Variants in NCAPG2 observed in about 807,000 individuals in gnomAD.
NCAPG2 encodes non-SMC condensin II complex subunit G2.
A neutral mutation model predicts 141.1 loss-of-function variants in NCAPG2; 53 were observed. That is an observed-to-expected ratio of 0.38 (90% CI 0.30 to 0.47). NCAPG2 has a LOEUF of 0.47. Among genes scored for constraint, NCAPG2 ranks in the 20% least tolerant of loss-of-function variants. NCAPG2 has a pLI of 0.99. For missense variants in NCAPG2, 1,087 were observed against 1,389.0 expected (o/e 0.78, Z 3.46); for synonymous variants, 499 against 490.7 (o/e 1.02, Z -0.22).
chr7:158,631,565 A>G lies in NCAPG2; in HGVS notation c.*101T>C. 8.9e-7 allele frequency: 1 copy of G among 1,123,418 alleles called. No homozygotes were observed. The highest frequency in any genetic ancestry group is 1.3e-6 in the Non-Finnish European group (1 of 749,772). 69.6% of individuals were successfully genotyped at this position (1,123,418 alleles called of 1,614,324 possible). On this transcript the variant is annotated 3_prime_UTR_variant, in exon 28 of 28. Coordinates refer to ENST00000356309, the MANE Select transcript of NCAPG2 (RefSeq NM_017760.7). ...CACAAAAAAATCCCACCCTTTCCCT[A>G]TTATATGGGTTATTAACATTAAAAA...
intron 13 of NCAPG2, among the ~76,000 whole-genome samples, chr7:158,666,753 C>G (rs754732079): frequency 1.3e-5 from 2 of 151,632 alleles, no homozygotes; most frequent in Non-Finnish European, 2.9e-5. Flanking sequence ...ACAGGGAAAC[C>G]CTGTCTCAAA....
intron 11 of NCAPG2, among the ~76,000 whole-genome samples, chr7:158,677,904 A>G (rs765556942): frequency 1.4e-4 from 22 of 152,056 alleles, no homozygotes; most frequent in Middle Eastern, 3.4e-3. Context: ...TTGACCTTCC[A>G]GCCTCAAGTG....
chr7:158,657,144 C>T (rs1356048659), intron 17 of NCAPG2, among the ~76,000 whole-genome samples: 1 of 152,192 alleles, frequency 6.6e-6, no homozygotes, highest in African/African-American at 2.4e-5. Context: ...ACAAAAGCCA[C>T]AAATGTAATT....
intron 27 of NCAPG2, chr7:158,640,157 A>G (rs1366438014): frequency 6.6e-6 from 1 of 152,244 alleles, no homozygotes; most frequent in Non-Finnish European, 1.5e-5. Context: ...CAGATAGGGA[A>G]AAATACACCT....
intron 27 of NCAPG2, among the ~76,000 whole-genome samples, chr7:158,632,625 C>T (rs1055614029): frequency 6.6e-6 from 1 of 152,224 alleles, no homozygotes; most frequent in East Asian, 1.9e-4. Context: ...AAGTGAGACT[C>T]ATGTCTACCT....
At chr7:158,676,056 C>T (rs1834031865) in intron 11 of NCAPG2, among the ~76,000 whole-genome samples, 1 of 152,128 alleles carries the variant, frequency 6.6e-6, no homozygotes, top group Admixed American at 6.5e-5. Flanking sequence ...TGAACTAATC[C>T]AGGCCATGAT....
chr7:158,693,558 T>C (rs1388375549), intron 2 of NCAPG2, 61 bp from the exon 3 acceptor site: 4 of 1,417,908 alleles, frequency 2.8e-6, no homozygotes, highest in South Asian at 2.6e-5. Flanking sequence ...ATCCTTTTCA[T>C]AATGTCATCA....
chr7:158,687,253 C>T (rs1302295625), intron 7 of NCAPG2, 95 bp downstream of exon 7: 2 of 759,256 alleles, frequency 2.6e-6, no homozygotes, highest in Non-Finnish European at 4.2e-6. Flanking sequence ...TCTAAAGCTT[C>T]TAATCCATTA....
intron 27 of NCAPG2, among the ~76,000 whole-genome samples, chr7:158,639,043 T>C (rs1389785328): frequency 6.6e-6 from 1 of 152,224 alleles, no homozygotes; most frequent in African/African-American, 2.4e-5. Context: ...TGGGGTGGGC[T>C]GATACCTTCA....
chr7:158,683,324 A>C lies in NCAPG2; in HGVS notation c.900T>G (p.Ser300=), dbSNP rs1301713004. 6.2e-7 allele frequency: 1 copy of C among 1,603,824 alleles called. No homozygotes were observed. Among genetic ancestry groups the C allele is most frequent in the African/African-American group, 1.4e-5 (1 of 74,072 alleles). ...MFHGIHLPRR[S]PVHSKVREVL... ...CCTCCCGCACTTTGGAATGCACTGG[A>C]GACCTCCTCGGAAGGTGTATCCCGT... Residue 300 remains serine, a synonymous_variant, in exon 9 of 28, where the codon TCT becomes TCG. Coordinates refer to ENST00000356309, the MANE Select transcript of NCAPG2 (RefSeq NM_017760.7).
At position 158,646,554 on chromosome 7, in the gene NCAPG2, C is replaced by T. The variant is rs199598836; in HGVS notation, c.3085G>A (p.Val1029Ile). The change falls in exon 25 of 28, where the codon GTA (valine) becomes ATA (isoleucine). Residue 1029 changes from valine (V) to isoleucine (I), a missense_variant. Coordinates refer to ENST00000356309, the MANE Select transcript of NCAPG2 (RefSeq NM_017760.7). ...TGCTCTGGAGGGGTAAGCTCTTCTA[C>T]GTCAGAAACCTAAAAAAGTTCCAAA... ...ISHQLRKVSDVEELTPPEHLS... is the reference protein window; with the variant it reads ...ISHQLRKVSDIEELTPPEHLS... The T allele has an allele frequency of 1.6e-4, 245 of 1,571,184 alleles. No homozygotes were observed. Among genetic ancestry groups the T allele is most frequent in the Admixed American group, 1.1e-4 (5 of 47,384 alleles).
At chr7:158,703,207 T>G (rs907343692) in intron 1 of NCAPG2, among the ~76,000 whole-genome samples, 3 of 152,066 alleles carry the variant, frequency 2.0e-5, no homozygotes, top group African/African-American at 7.2e-5. Context: ...GACTGGCACA[T>G]TTTTCACTGA....
At chr7:158,641,267 T>C (rs532820472) in intron 27 of NCAPG2, 6 of 379,658 alleles carry the variant, frequency 1.6e-5, no homozygotes, top group East Asian at 3.7e-5. Context: ...CAATAACAAA[T>C]ATGGTGGATA....
rs191842551 is a variant in NCAPG2, at chr7:158,645,677, T to C, written c.3180-58A>G. On this transcript the variant is annotated intron_variant, in intron 25 of 27. Coordinates refer to ENST00000356309, the MANE Select transcript of NCAPG2 (RefSeq NM_017760.7). The stretch of plus-strand genomic sequence containing the variant: ...GTATCATATAGACCCTAATACATTA[T>C]AGCAGAAGTACAGCCAAGGTTCAAC... 4.2e-5 allele frequency: 62 copies of C among 1,482,822 alleles called. No homozygotes were observed. The African/African-American group carries it at 6.3e-4, about 15-fold the overall frequency. The allele number at this position is 1,482,822 out of a possible 1,614,324, so 91.9% of individuals were successfully genotyped here.
At chr7:158,675,295 C>A (rs1238203163) in intron 12 of NCAPG2, among the ~76,000 whole-genome samples, 182 bp downstream of exon 12, 1 of 152,198 alleles carries the variant, frequency 6.6e-6, no homozygotes, top group African/African-American at 2.4e-5. Context: ...TTCAAGTCAT[C>A]ATTTTTTGTA....
intron 27 of NCAPG2, among the ~76,000 whole-genome samples, chr7:158,637,558 T>A (rs1294705153): frequency 6.6e-6 from 1 of 152,246 alleles, no homozygotes; most frequent in African/African-American, 2.4e-5. Flanking sequence ...CTCAAGAGAG[T>A]AGGCTTTCCA....
At chr7:158,642,702 C>G (rs2129456889) in intron 27 of NCAPG2, among the ~76,000 whole-genome samples, 1 of 152,106 alleles carries the variant, frequency 6.6e-6, no homozygotes, top group South Asian at 2.1e-4. Context: ...AAACTTCCAC[C>G]TTCGGAAAAC....
At chr7:158,676,295 A>G (rs141360209) in intron 11 of NCAPG2, among the ~76,000 whole-genome samples, 1 of 152,362 alleles carries the variant, frequency 6.6e-6, no homozygotes, top group East Asian at 1.9e-4. Flanking sequence ...GAAACGTCAT[A>G]GAATAATTTG....
chr7:158,639,520 C>A (rs1032793568), intron 27 of NCAPG2, among the ~76,000 whole-genome samples: 1 of 152,108 alleles, frequency 6.6e-6, no homozygotes, highest in Non-Finnish European at 1.5e-5. Flanking sequence ...TAAACAAAAA[C>A]CACAAGCCAT....
Sources: allele counts gnomAD v4.1 joint callset (sites outside exome capture counted in the v4.1 genomes callset), GRCh38; gene constraint gnomAD v4.1.1; transcripts MANE v1.5; gene names NCBI Gene and HGNC (gene_info 2026-07-23, HGNC 2026-07-21).